MAPK10: variants seen among roughly 807,000 people sequenced by gnomAD.
The protein encoded by MAPK10 is JNK3 alpha protein kinase.
A neutral mutation model predicts 59.3 loss-of-function variants in MAPK10; 25 were observed. That is an observed-to-expected ratio of 0.42 (90% CI 0.31 to 0.59). The LOEUF (loss-of-function observed/expected upper bound fraction) is 0.59. Ranked by LOEUF, MAPK10 falls within the 20% of genes least tolerant of loss-of-function variation. The pLI is 0.15. For missense variants in MAPK10, 351 were observed against 568.9 expected, an observed-to-expected ratio of 0.62 and a Z score of 3.90; for synonymous variants, 190 against 200.5, an observed-to-expected ratio of 0.95 and a Z score of 0.44.
chr4:86,375,208 C>T (rs1356220355), intron 1 of MAPK10, among the ~76,000 whole-genome samples: 1 of 152,092 alleles, frequency 6.6e-6, no homozygotes, highest in Non-Finnish European at 1.5e-5. Context: ...ACACACATAT[C>T]ATAGTCAGCA....
chr4:86,111,529 T>A (rs2057477546), intron 4 of MAPK10, among the ~76,000 whole-genome samples: 1 of 152,212 alleles, frequency 6.6e-6, no homozygotes, highest in Non-Finnish European at 1.5e-5. Context: ...TGAACTTCAT[T>A]TATTGATTTG....
At chr4:86,207,002 T>C (rs1443767811) in intron 2 of MAPK10, among the ~76,000 whole-genome samples, 2 of 152,090 alleles carry the variant, frequency 1.3e-5, no homozygotes, top group African/African-American at 4.8e-5. Flanking sequence ...AGGTTGCCTG[T>C]TCACTCTGAT....
chr4:86,451,547 A>G (rs1750721253), intron 1 of MAPK10, among the ~76,000 whole-genome samples: 1 of 152,214 alleles, frequency 6.6e-6, no homozygotes, highest in Non-Finnish European at 1.5e-5. Context: ...GATTTGTGTG[A>G]AAGTGATTTA....
intron 2 of MAPK10, among the ~76,000 whole-genome samples, chr4:86,257,048 A>C (rs1351029654): frequency 1.3e-5 from 2 of 152,118 alleles, no homozygotes; most frequent in African/African-American, 4.8e-5. Flanking sequence ...TTTACAACAG[A>C]TAGCTGGCCA....
intron 1 of MAPK10, among the ~76,000 whole-genome samples, chr4:86,520,307 A>T (rs1034784052): frequency 6.6e-6 from 1 of 151,954 alleles, no homozygotes; most frequent in Non-Finnish European, 1.5e-5. Context: ...GCTTTGTTCA[A>T]TTTTTTTGCT....
intron 11 of MAPK10, among the ~76,000 whole-genome samples, chr4:86,044,381 G>A (rs1032006803): frequency 1.3e-5 from 2 of 152,076 alleles, no homozygotes; most frequent in Non-Finnish European, 2.9e-5. Context: ...TGAGGCCTTG[G>A]TGTCAGGATA....
At chr4:86,075,012 T>A (rs991958393) in intron 9 of MAPK10, among the ~76,000 whole-genome samples, 1 of 147,672 alleles carries the variant, frequency 6.8e-6, no homozygotes, top group African/African-American at 2.6e-5. Context: ...TCCATTCTCC[T>A]CATCACTTTC....
At chr4:86,081,311 C>T (rs1017928461) in intron 9 of MAPK10, 1 of 151,686 alleles carries the variant, frequency 6.6e-6, no homozygotes, top group Non-Finnish European at 1.5e-5. Context: ...AGTTATAGCA[C>T]AATATAATGT....
intron 1 of MAPK10, among the ~76,000 whole-genome samples, chr4:86,543,744 T>C (rs1164072956): frequency 6.6e-6 from 1 of 152,062 alleles, no homozygotes; most frequent in African/African-American, 2.4e-5. Flanking sequence ...AATTAGATTG[T>C]GTGGGAGTCA....
chr4:86,453,964 C>T (rs1056940646), upstream of MAPK10, among the ~76,000 whole-genome samples: 5 of 152,170 alleles, frequency 3.3e-5, no homozygotes, highest in African/African-American at 1.2e-4. Flanking sequence ...CCCCCAGTAC[C>T]AGCCCAGAGC....
chr4:86,128,516 T>C (rs981003196), intron 4 of MAPK10, among the ~76,000 whole-genome samples: 3 of 152,078 alleles, frequency 2.0e-5, no homozygotes, highest in Non-Finnish European at 2.9e-5. Context: ...GAAGGACGTG[T>C]TTGCTTCCCC....
At position 86,351,474 on chromosome 4, in the gene MAPK10, C is replaced by T. The variant is rs558048980; in HGVS notation, c.-7+3056G>A. 2.0e-3 allele frequency among the ~76,000 whole-genome samples: 303 copies of T among 151,302 alleles called. 1 individual carries two copies. The highest frequency in any genetic ancestry group is 4.8e-3 in the African/African-American group (198 of 41,286). On this transcript the variant is annotated intron_variant, in intron 2 of 13. Coordinates refer to ENST00000641462, the MANE Select transcript of MAPK10 (RefSeq NM_138982.4). ...TCTACCTAGCCGACAGGTATTAAAA[C>T]TTGAGACTTTAAAAATCCTTCCTCT... is the stretch of plus-strand genomic sequence containing the variant.
At chr4:86,208,919 T>C (rs1462915831) in intron 2 of MAPK10, among the ~76,000 whole-genome samples, 1 of 152,114 alleles carries the variant, frequency 6.6e-6, no homozygotes, top group East Asian at 1.9e-4. Context: ...TACCTAATGT[T>C]GTCAACTTTA....
At chr4:86,448,312 T>G (rs1750283599) in intron 1 of MAPK10, among the ~76,000 whole-genome samples, 1 of 152,028 alleles carries the variant, frequency 6.6e-6, no homozygotes, top group South Asian at 2.1e-4. Context: ...TCTCTCTATT[T>G]TTTTGTCAGA....
intron 1 of MAPK10, among the ~76,000 whole-genome samples, chr4:86,530,624 C>CA (rs1476875834): frequency 1.3e-5 from 2 of 152,142 alleles, no homozygotes; most frequent in East Asian, 1.9e-4. Context: ...TCTTGATTCA[C>CA]AAAAAATACC....
At chr4:86,522,025 C>T (rs1757147779) in intron 1 of MAPK10, among the ~76,000 whole-genome samples, 1 of 152,146 alleles carries the variant, frequency 6.6e-6, no homozygotes, top group Non-Finnish European at 1.5e-5. Context: ...CTACAGGGCT[C>T]TTCACACTGC....
chr4:86,104,656 A>G (rs1177586452), intron 5 of MAPK10, among the ~76,000 whole-genome samples: 2 of 152,140 alleles, frequency 1.3e-5, no homozygotes, highest in Non-Finnish European at 2.9e-5. Context: ...AAATGGAAAA[A>G]TGCTAACCCA....
intron 2 of MAPK10, among the ~76,000 whole-genome samples, chr4:86,352,926 T>A (rs1732347364): frequency 6.6e-6 from 1 of 152,202 alleles, no homozygotes; most frequent in South Asian, 2.1e-4. Context: ...TTCAACTTTA[T>A]CTCTGCCACT....
In MAPK10 at chr4:86,023,812, A is replaced by AATATATATATATAT. The variant is rs368982706; in HGVS notation, c.1252+5371_1252+5384dup. 8.5e-3 allele frequency: 855 copies of AATATATATATATAT among 100,270 alleles called. 12 individuals carry two copies. The highest frequency in any genetic ancestry group is 0.01 in the African/African-American group (253 of 24,320). The allele number at this position is 100,270 out of a possible 1,614,324, so 6.2% of individuals were successfully genotyped here. On this transcript the variant is annotated intron_variant, in intron 13 of 13. Transcript: ENST00000641462. ...TTGGATGTTAAAAACAGATCAAATG[A>AATATATATATATAT]ATATATATATATATATATATATATA...
Sources: allele counts gnomAD v4.1 joint callset (sites outside exome capture counted in the v4.1 genomes callset), GRCh38; gene constraint gnomAD v4.1.1; transcripts MANE v1.5; gene names NCBI Gene and HGNC (gene_info 2026-07-23, HGNC 2026-07-21).